CDK5R2: variants seen among roughly 807,000 people sequenced by gnomAD.
The protein encoded by CDK5R2 is cyclin dependent kinase 5 regulatory subunit 2, also known as cyclin-dependent kinase 5 activator 2.
Under a neutral mutation model 23.1 loss-of-function variants are expected in CDK5R2, and 7 were observed. The observed-to-expected ratio is 0.30, with a 90% CI of 0.17 to 0.57. The LOEUF (loss-of-function observed/expected upper bound fraction) is 0.57. CDK5R2 is among the 20% of genes least tolerant of loss of function. CDK5R2 has a pLI of 0.91. For synonymous variants in CDK5R2, 242 were observed against 264.9 expected, an observed-to-expected ratio of 0.91 and a Z score of 0.84; for missense variants, 380 against 537.6, an observed-to-expected ratio of 0.71 and a Z score of 2.90.
rs1232785697 is a variant in CDK5R2 at position 218,959,859 on chromosome 2, C to T, written c.39C>T (p.Ala13=). 14 of 1,426,802 alleles carry T rather than the reference C, an allele frequency of 9.8e-6. No homozygotes were observed. Among genetic ancestry groups the T allele is most frequent in the Non-Finnish European group, 1.3e-5 (14 of 1,101,794 alleles). The allele number at this position is 1,426,802 out of a possible 1,614,324, so 88.4% of individuals were successfully genotyped here. ...TGTCTCTTTCGCCTGCCTCCTCGGC[C>T]AAGGGCCGGAGGCCCGGCGGGCTGC... ...TVLSLSPASS[A]KGRRPGGLPE... is the part of the protein sequence containing the mutation. The change falls in exon 1 of 1, where the codon GCC becomes GCT. Residue 13 remains alanine, a synonymous_variant. Coordinates refer to ENST00000302625, the MANE Select transcript of CDK5R2 (RefSeq NM_003936.5). The surrounding 1 kb of genome is among the most constrained non-coding windows in gnomAD (Gnocchi z 4.0).
Position 218,959,675 on chromosome 2 carries a change from G to A in CDK5R2, c.-146G>A. The A allele has an allele frequency of 3.0e-6, 3 of 995,422 alleles. No homozygotes were observed. The highest frequency in any genetic ancestry group is 3.8e-6 in the Non-Finnish European group (3 of 783,466). The allele number at this position is 995,422 out of a possible 1,614,324, so 61.7% of individuals were successfully genotyped here. On this transcript the variant is annotated 5_prime_UTR_variant, in exon 1 of 1. Coordinates refer to ENST00000302625, the MANE Select transcript of CDK5R2 (RefSeq NM_003936.5). This position sits in a 1 kb window ranked among gnomAD's most constrained non-coding sequence, Gnocchi z 4.0. ...GGCGCAGCTCAGGATTAGAGCAGCG[G>A]AGCCGCCTAGCAGCCACCTTCCCCC...
chr2:218,959,702 C>G lies in CDK5R2; in HGVS notation c.-119C>G. 1 of 1,168,062 alleles carries G rather than the reference C, an allele frequency of 8.6e-7. No homozygotes were observed. Among genetic ancestry groups the G allele is most frequent in the Admixed American group, 4.5e-5 (1 of 22,432 alleles). The allele number at this position is 1,168,062 out of a possible 1,614,324, so 72.4% of individuals were successfully genotyped here. A position where few individuals can be genotyped will look rare whatever the true frequency, so the allele number is the denominator to read the frequency against. ...GCCGCCTAGCAGCCACCTTCCCCCG[C>G]CAGTCCGCGCGCCCGGGCCGGGGCT... On this transcript the variant is annotated 5_prime_UTR_variant, in exon 1 of 1. Transcript: ENST00000302625. The surrounding 1 kb of genome is among the most constrained non-coding windows in gnomAD (Gnocchi z 4.0).
chr2:218,959,925 G>A lies in CDK5R2; in HGVS notation c.105G>A (p.Ala35=), dbSNP rs34275515. 5 of 1,501,908 alleles carry A rather than the reference G, an allele frequency of 3.3e-6. No homozygotes were observed. The highest frequency in any genetic ancestry group is 4.4e-6 in the Non-Finnish European group (5 of 1,130,522). The allele number at this position is 1,501,908 out of a possible 1,614,324, so 93.0% of individuals were successfully genotyped here. Residue 35 remains alanine, a synonymous_variant, in exon 1 of 1, where the codon GCG becomes GCA. Coordinates refer to ENST00000302625, the MANE Select transcript of CDK5R2 (RefSeq NM_003936.5). This position sits in a 1 kb window ranked among gnomAD's most constrained non-coding sequence, Gnocchi z 4.0. Reference sequence around the variant, plus strand: ...AGGCGCCGCCCGCGGGGGACGAGGCGCTGGGGGGCTACGGGGCGCCGCCAG... The same window carrying A: ...AGGCGCCGCCCGCGGGGGACGAGGCACTGGGGGGCTACGGGGCGCCGCCAG... ...KKKAPPAGDE[A]LGGYGAPPVG...
rs1383695374 is a variant in CDK5R2 at position 218,961,870 on chromosome 2, G to C, written c.*946G>C. 6.0e-6 allele frequency: 1 copy of C among 167,006 alleles called. No individual in the cohort carries two copies. The highest frequency in any genetic ancestry group is 2.4e-5 in the African/African-American group (1 of 41,394). The allele number at this position is 167,006 out of a possible 1,614,324, so 10.3% of individuals were successfully genotyped here. A position where few individuals can be genotyped will look rare whatever the true frequency, so the allele number is the denominator to read the frequency against. ...AGAAAACTTCTTACCTTGGAGGAGGGACATCCCGCTTCCTTATCCTTAGCT... is the reference window on the plus strand; with the variant it reads ...AGAAAACTTCTTACCTTGGAGGAGGCACATCCCGCTTCCTTATCCTTAGCT... On this transcript the variant is annotated 3_prime_UTR_variant, in exon 1 of 1. Transcript: ENST00000302625. This position sits in a 1 kb window ranked among gnomAD's most constrained non-coding sequence, Gnocchi z 4.4.
In CDK5R2 at chr2:218,960,942, GC is replaced by G; in HGVS notation, c.*21del. 1 of 1,279,462 alleles carries G rather than the reference GC, an allele frequency of 7.8e-7. No homozygotes were observed. The highest frequency in any genetic ancestry group is 1.0e-6 in the Non-Finnish European group (1 of 966,644). 79.3% of individuals were successfully genotyped at this position (1,279,462 alleles called of 1,614,324 possible). A position where few individuals can be genotyped will look rare whatever the true frequency, so the allele number is the denominator to read the frequency against. On this transcript the variant is annotated 3_prime_UTR_variant, in exon 1 of 1. Transcript: ENST00000302625. ...ACCGCTAGGGATACCCAGGGGCCGC[GC>G]CCATCCCCCGCCCCAGCCCCTGACA... is the stretch of plus-strand genomic sequence containing the variant.
At position 218,959,669 on chromosome 2, in the gene CDK5R2, G is replaced by T; in HGVS notation, c.-152G>T. 1.0e-6 allele frequency: 1 copy of T among 955,996 alleles called. No homozygotes were observed. Among genetic ancestry groups the T allele is most frequent in the Non-Finnish European group, 1.3e-6 (1 of 747,720 alleles). 59.2% of individuals were successfully genotyped at this position (955,996 alleles called of 1,614,324 possible). A position where few individuals can be genotyped will look rare whatever the true frequency, so the allele number is the denominator to read the frequency against. The stretch of plus-strand genomic sequence containing the variant: ...GCAGCTGGCGCAGCTCAGGATTAGA[G>T]CAGCGGAGCCGCCTAGCAGCCACCT... On this transcript the variant is annotated 5_prime_UTR_variant, in exon 1 of 1. Transcript: ENST00000302625. The surrounding 1 kb of genome is among the most constrained non-coding windows in gnomAD (Gnocchi z 4.0).
Position 218,960,270 on chromosome 2 carries a change from G to T in CDK5R2, c.450G>T (p.Ser150=), listed in dbSNP as rs75803206. 36,839 of 1,282,896 alleles carry T rather than the reference G, an allele frequency of 0.029. 668 individuals are homozygous for T. Among genetic ancestry groups the T allele is most frequent in the South Asian group, 0.068 (2,412 of 35,454 alleles). The allele number at this position is 1,282,896 out of a possible 1,614,324, so 79.5% of individuals were successfully genotyped here. Residue 150 remains serine (S), a synonymous_variant, in exon 1 of 1, where the codon TCG becomes TCT. Transcript: ENST00000302625. Reference sequence around the variant, plus strand: ...GCGCGGCCGCTCAGCCGCCGGGCTCGGGCGGGGGAAAGCCTCCGCCGCCGC... The same window carrying T: ...GCGCGGCCGCTCAGCCGCCGGGCTCTGGCGGGGGAAAGCCTCCGCCGCCGC... ...GGSAAAQPPG[S]GGGKPPPPPP... is the part of the protein sequence containing the mutation.
At position 218,960,869 on chromosome 2, in the gene CDK5R2, C is replaced by T. The variant is rs1183957083; in HGVS notation, c.1049C>T (p.Ala350Val). Residue 350 changes from alanine (A) to valine (V), a missense_variant, in exon 1 of 1, where the codon GCC becomes GTC. Ala to Val is a moderately conservative substitution (Grantham distance 64). Coordinates refer to ENST00000302625, the MANE Select transcript of CDK5R2 (RefSeq NM_003936.5). ...GGCGCGCCCGCCGCCTCCTCGGCCG[C>T]CAGGGACAGCTGCGCGGCCGGAACC... ...SGGAPAASSA[A>V]RDSCAAGTKH... The T allele has an allele frequency of 4.7e-6, 7 of 1,481,150 alleles. No individual in the cohort carries two copies. The highest frequency in any genetic ancestry group is 1.4e-5 in the South Asian group (1 of 69,308). 91.8% of individuals were successfully genotyped at this position (1,481,150 alleles called of 1,614,324 possible). A position where few individuals can be genotyped will look rare whatever the true frequency, so the allele number is the denominator to read the frequency against.
chr2:218,960,816 C>G lies in CDK5R2; in HGVS notation c.996C>G (p.Ala332=), dbSNP rs1274699570. ...FQDLKNEGEA[A]ASGGGPPSGG... ...ACCTCAAGAACGAGGGCGAGGCCGC[C>G]GCCAGCGGCGGGGGCCCACCGAGCG... Residue 332 remains alanine, a synonymous_variant, in exon 1 of 1, where the codon GCC becomes GCG. Transcript: ENST00000302625. 6.3e-7 allele frequency: 1 copy of G among 1,576,384 alleles called. No homozygotes were observed. The highest frequency in any genetic ancestry group is 8.6e-7 in the Non-Finnish European group (1 of 1,168,080).
Position 218,959,959 on chromosome 2 carries a change from G to A in CDK5R2, c.139G>A (p.Gly47Ser). ...CTACGGGGCGCCGCCAGTGGGCAAG[G>A]GCGGCAAAGGCGAGAGCCGACTCAA... ...GGYGAPPVGK[G>S]GKGESRLKRP... Residue 47 changes from glycine to serine, a missense_variant, in exon 1 of 1, where the codon GGC (glycine) becomes AGC (serine). Physicochemically the swap from Gly to Ser is moderately conservative, Grantham distance 56 (BLOSUM62 0). This residue lies in a region of CDK5R2 where 197 missense variants were observed against 246.4 expected (regional missense o/e 0.80). Coordinates refer to ENST00000302625, the MANE Select transcript of CDK5R2 (RefSeq NM_003936.5). The surrounding 1 kb of genome is among the most constrained non-coding windows in gnomAD (Gnocchi z 4.0). 6.5e-7 allele frequency: 1 copy of A among 1,542,676 alleles called. No homozygotes were observed.
rs1034985438 is a variant in CDK5R2 at position 218,961,037 on chromosome 2, G to A, written c.*113G>A. ...CCGCCGCTCAGCGCCCCGGCTGGGC[G>A]GAGGAGGAGACGCCCATGCCCCTCA... On this transcript the variant is annotated 3_prime_UTR_variant, in exon 1 of 1. Transcript: ENST00000302625. This position sits in a 1 kb window ranked among gnomAD's most constrained non-coding sequence, Gnocchi z 4.4. 2 of 540,906 alleles carry A rather than the reference G, an allele frequency of 3.7e-6. No individual in the cohort carries two copies. Among genetic ancestry groups the A allele is most frequent in the Admixed American group, 4.3e-5 (1 of 23,212 alleles). 33.5% of individuals were successfully genotyped at this position (540,906 alleles called of 1,614,324 possible). A position where few individuals can be genotyped will look rare whatever the true frequency, so the allele number is the denominator to read the frequency against.
chr2:218,960,728 G>C lies in CDK5R2; in HGVS notation c.908G>C (p.Arg303Pro). The C allele has an allele frequency of 6.2e-7, 1 of 1,613,864 alleles. No homozygotes were observed. The change falls in exon 1 of 1, where the codon CGG becomes CCG. Residue 303 changes from arginine to proline, a missense_variant. Physicochemically the swap from Arg to Pro is moderately radical, Grantham distance 103. Coordinates refer to ENST00000302625, the MANE Select transcript of CDK5R2 (RefSeq NM_003936.5). Reference sequence around the variant, plus strand: ...CAGCGCTGCCTGCGCCTCATCCAGCGGCTCAGCCCGCAGATGCTGCGGCTC... The same window carrying C: ...CAGCGCTGCCTGCGCCTCATCCAGCCGCTCAGCCCGCAGATGCTGCGGCTC... ...FWQRCLRLIQ[R>P]LSPQMLRLNA...
In CDK5R2 at chr2:218,960,258, G is replaced by T; in HGVS notation, c.438G>T (p.Gln146His). The T allele has an allele frequency of 7.9e-7, 1 of 1,269,372 alleles. No homozygotes were observed. Among genetic ancestry groups the T allele is most frequent in the Non-Finnish European group, 9.9e-7 (1 of 1,014,924 alleles). The allele number at this position is 1,269,372 out of a possible 1,614,324, so 78.6% of individuals were successfully genotyped here. ...CGTCGGGGGGCAGCGCGGCCGCTCA[G>T]CCGCCGGGCTCGGGCGGGGGAAAGC... is the stretch of plus-strand genomic sequence containing the variant. ...EPPSGGSAAA[Q>H]PPGSGGGKPP... The change falls in exon 1 of 1, where the codon CAG (glutamine) becomes CAT (histidine). Residue 146 changes from glutamine to histidine, a missense_variant. Coordinates refer to ENST00000302625, the MANE Select transcript of CDK5R2 (RefSeq NM_003936.5).
Position 218,961,020 on chromosome 2 carries a change from C to T in CDK5R2, c.*96C>T, listed in dbSNP as rs1277268913. 4 of 611,664 alleles carry T rather than the reference C, an allele frequency of 6.5e-6. No individual in the cohort carries two copies. The highest frequency in any genetic ancestry group is 1.0e-5 in the Non-Finnish European group (4 of 387,326). The allele number at this position is 611,664 out of a possible 1,614,324, so 37.9% of individuals were successfully genotyped here. ...AGCCACCGCCGCTGTTACCGCCGCT[C>T]AGCGCCCCGGCTGGGCGGAGGAGGA... is the stretch of plus-strand genomic sequence containing the variant. On this transcript the variant is annotated 3_prime_UTR_variant, in exon 1 of 1. Coordinates refer to ENST00000302625, the MANE Select transcript of CDK5R2 (RefSeq NM_003936.5). The surrounding 1 kb of genome is among the most constrained non-coding windows in gnomAD (Gnocchi z 4.4).
chr2:218,960,296 C>T lies in CDK5R2; in HGVS notation c.476C>T (p.Pro159Leu), dbSNP rs1442704952. 5 of 1,374,074 alleles carry T rather than the reference C, an allele frequency of 3.6e-6. No individual in the cohort carries two copies. In the East Asian group the frequency reaches 1.2e-4, roughly 34 times the overall value. The allele number at this position is 1,374,074 out of a possible 1,614,324, so 85.1% of individuals were successfully genotyped here. ...GSGGGKPPPPPPPAPQVAPPV... is the reference protein window; with the variant it reads ...GSGGGKPPPPLPPAPQVAPPV... The stretch of plus-strand genomic sequence containing the variant: ...GGCGGGGGAAAGCCTCCGCCGCCGC[C>T]TCCCCCAGCCCCGCAGGTGGCGCCG... The change falls in exon 1 of 1, where the codon CCT becomes CTT. Residue 159 changes from proline to leucine, a missense_variant. Transcript: ENST00000302625.
rs752565291 is a variant in CDK5R2, at chr2:218,960,932, C to T, written c.*8C>T. The T allele has an allele frequency of 7.4e-7, 1 of 1,355,850 alleles. No individual in the cohort carries two copies. The highest frequency in any genetic ancestry group is 3.0e-5 in the Admixed American group (1 of 33,294). The allele number at this position is 1,355,850 out of a possible 1,614,324, so 84.0% of individuals were successfully genotyped here. Reference sequence around the variant, plus strand: ...ATGAACCTGGACCGCTAGGGATACCCAGGGGCCGCGCCCATCCCCCGCCCC... The same window carrying T: ...ATGAACCTGGACCGCTAGGGATACCTAGGGGCCGCGCCCATCCCCCGCCCC... On this transcript the variant is annotated 3_prime_UTR_variant, in exon 1 of 1. Transcript: ENST00000302625.
Position 218,962,051 on chromosome 2 carries a change from G to C in CDK5R2, c.*1127G>C, listed in dbSNP as rs369108317. ...GGGTACCAGGGACTGAGTTGGGCCT[G>C]GGGCCGTGTCCAAGGTGCCAATGAT... is the stretch of plus-strand genomic sequence containing the variant. On this transcript the variant is annotated 3_prime_UTR_variant, in exon 1 of 1. Coordinates refer to ENST00000302625, the MANE Select transcript of CDK5R2 (RefSeq NM_003936.5). The C allele has an allele frequency of 6.0e-6, 1 of 167,324 alleles. No homozygotes were observed. The highest frequency in any genetic ancestry group is 2.4e-5 in the African/African-American group (1 of 41,464). The allele number at this position is 167,324 out of a possible 1,614,324, so 10.4% of individuals were successfully genotyped here. A position where few individuals can be genotyped will look rare whatever the true frequency, so the allele number is the denominator to read the frequency against.
chr2:218,961,055 G>A lies in CDK5R2; in HGVS notation c.*131G>A. On this transcript the variant is annotated 3_prime_UTR_variant, in exon 1 of 1. Coordinates refer to ENST00000302625, the MANE Select transcript of CDK5R2 (RefSeq NM_003936.5). The surrounding 1 kb of genome is among the most constrained non-coding windows in gnomAD (Gnocchi z 4.4). ...GCTGGGCGGAGGAGGAGACGCCCAT[G>A]CCCCTCAGGGGAAAGTGGAGACCGG... 2 of 493,748 alleles carry A rather than the reference G, an allele frequency of 4.1e-6. No individual in the cohort carries two copies. The highest frequency in any genetic ancestry group is 3.5e-6 in the Non-Finnish European group (1 of 284,866). 30.6% of individuals were successfully genotyped at this position (493,748 alleles called of 1,614,324 possible). A position where few individuals can be genotyped will look rare whatever the true frequency, so the allele number is the denominator to read the frequency against.
At position 218,959,754 on chromosome 2, in the gene CDK5R2, G is replaced by A; in HGVS notation, c.-67G>A. 1 of 1,229,770 alleles carries A rather than the reference G, an allele frequency of 8.1e-7. No individual in the cohort carries two copies. The highest frequency in any genetic ancestry group is 1.0e-6 in the Non-Finnish European group (1 of 987,400). 76.2% of individuals were successfully genotyped at this position (1,229,770 alleles called of 1,614,324 possible). A position where few individuals can be genotyped will look rare whatever the true frequency, so the allele number is the denominator to read the frequency against. On this transcript the variant is annotated 5_prime_UTR_variant, in exon 1 of 1. Transcript: ENST00000302625. The surrounding 1 kb of genome is among the most constrained non-coding windows in gnomAD (Gnocchi z 4.0). ...GGCCCCCCACCGCCGGGTCCCCCGG[G>A]GCTGCAGTAGCAGCGGCGCCGCCCG...
Sources: gnomAD v4.1 joint callset for allele counts on GRCh38, gnomAD v4.1.1 for gene constraint, gnomAD v4.1.1 regional missense constraint, Gnocchi (gnomAD v3.1) non-coding constraint, MANE v1.5 for transcripts, NCBI Gene and HGNC (gene_info 2026-07-23, HGNC 2026-07-21) for gene names.